Variants in EPS8L1 observed in about 807,000 individuals in gnomAD.
EPS8L1 encodes the protein EPS8 signaling adaptor L1.
A neutral mutation model predicts 91.7 loss-of-function variants in EPS8L1; 101 were observed. The ratio of observed to expected loss-of-function variants is 1.10; its 90% confidence interval spans 0.94 to 1.30. The LOEUF (loss-of-function observed/expected upper bound fraction) is 1.30. EPS8L1 is among the 50% of genes most tolerant of loss of function. The pLI is 0.00. For missense variants in EPS8L1, 1,114 were observed against 1,017.0 expected (o/e 1.10, Z -1.30); for synonymous variants, 506 against 445.3 (o/e 1.14, Z -1.72).
intron 5 of EPS8L1, 53 bp downstream of exon 5, chr19:55,079,904 G>T: frequency 6.5e-7 from 1 of 1,541,296 alleles, no homozygotes; most frequent in South Asian, 1.2e-5. Context: ...ACTTCAGGGG[G>T]TCTGGGTGTG....
Position 55,083,629 on chromosome 19 carries a change from A to C in EPS8L1, c.1370A>C (p.Gln457Pro). The C allele has an allele frequency of 6.3e-7, 1 of 1,594,972 alleles. No homozygotes were observed. Among genetic ancestry groups the C allele is most frequent in the Non-Finnish European group, 8.5e-7 (1 of 1,171,242 alleles). Residue 457 changes from glutamine (Q) to proline (P), a missense_variant, in exon 14 of 20, where the codon CAG (glutamine) becomes CCG (proline). Physicochemically the swap from Gln to Pro is moderately conservative, Grantham distance 76. Transcript: ENST00000201647. The surrounding 1 kb of genome is among the most constrained non-coding windows in gnomAD (Gnocchi z 4.7). Reference sequence around the variant, plus strand: ...TACTTCCTACAGCAAAGCGCCCCCCAGGTCGCTGTCAATGGGTGAGTGTCC... The same window carrying C: ...TACTTCCTACAGCAAAGCGCCCCCCCGGTCGCTGTCAATGGGTGAGTGTCC... The part of the protein sequence containing the change: ...ERRRRQQSAP[Q>P]VAVNGHRDLE...
chr19:55,086,235 G>C, intron 16 of EPS8L1, 43 bp downstream of exon 16: 1 of 1,598,110 alleles, frequency 6.3e-7, no homozygotes, highest in Non-Finnish European at 8.5e-7. Flanking sequence ...TGGAGAGGCT[G>C]GGACCAGATC....
intron 2 of EPS8L1, 72 bp downstream of exon 2, chr19:55,076,533 C>G (rs532689920): frequency 1.9e-6 from 3 of 1,549,608 alleles, no homozygotes; most frequent in Admixed American, 1.7e-5. Flanking sequence ...CACCCACACC[C>G]GCTTGCGGCA....
intron 17 of EPS8L1, 67 bp from the exon 18 acceptor site, chr19:55,086,647 C>CGCCCT (rs2076355536): frequency 2.7e-6 from 4 of 1,480,100 alleles, no homozygotes; most frequent in Non-Finnish European, 3.7e-6. Flanking sequence ...CCCCCCGCCC[C>CGCCCT]GCCCTCTGGC....
chr19:55,079,656 T>A, intron 4 of EPS8L1, 34 bp from the exon 5 acceptor site: 1 of 1,602,034 alleles, frequency 6.2e-7, no homozygotes, highest in Non-Finnish European at 8.5e-7. Flanking sequence ...GGCATCATCT[T>A]GGGCCTCACT....
intron 2 of EPS8L1, 49 bp downstream of exon 2, chr19:55,076,510 C>A (rs1568771355): frequency 1.3e-6 from 2 of 1,596,764 alleles, no homozygotes; most frequent in South Asian, 2.2e-5. Flanking sequence ...CCTCCCGCCT[C>A]CCCTCGCCTC....
chr19:55,084,879 GGTTCAA>G (rs1407232237), intron 14 of EPS8L1, among the ~76,000 whole-genome samples: 1 of 152,182 alleles, frequency 6.6e-6, no homozygotes, highest in Non-Finnish European at 1.5e-5. Context: ...GCTGTGACCA[GGTTCAA>G]GTTCAAGTCC....
Position 55,087,756 on chromosome 19 carries a change from C to G in EPS8L1, c.*142C>G, listed in dbSNP as rs1205196737. 1.2e-6 allele frequency: 1 copy of G among 832,068 alleles called. No homozygotes were observed. Among genetic ancestry groups the G allele is most frequent in the Non-Finnish European group, 2.0e-6 (1 of 510,818 alleles). The allele number at this position is 832,068 out of a possible 1,614,324, so 51.5% of individuals were successfully genotyped here. On this transcript the variant is annotated 3_prime_UTR_variant, in exon 20 of 20. Coordinates refer to ENST00000201647, the MANE Select transcript of EPS8L1 (RefSeq NM_133180.3). The stretch of plus-strand genomic sequence containing the variant: ...GTCTTCCCCCATCCCGGTGGACAGA[C>G]TTAACGATCCTTGCTGCAGTCCCTC...
Position 55,080,737 on chromosome 19 carries a change from C to T in EPS8L1, c.430-35C>T, listed in dbSNP as rs781432316. 5.0e-6 allele frequency: 8 copies of T among 1,599,108 alleles called. No homozygotes were observed. The South Asian group carries it at 7.8e-5, about 16-fold the overall frequency. Reference sequence around the variant, plus strand: ...AGGCCCGGGTAGGAAGTGGGTGCGGCGTGGGGAGGCGTGGCCTGACGGTGT... The same window carrying T: ...AGGCCCGGGTAGGAAGTGGGTGCGGTGTGGGGAGGCGTGGCCTGACGGTGT... On this transcript the variant is annotated intron_variant, in intron 6 of 19. Coordinates refer to ENST00000201647, the MANE Select transcript of EPS8L1 (RefSeq NM_133180.3).
intron 5 of EPS8L1, 78 bp from the exon 6 acceptor site, chr19:55,080,051 G>C: frequency 6.9e-7 from 1 of 1,453,958 alleles, no homozygotes; most frequent in Non-Finnish European, 9.1e-7. Flanking sequence ...GCCCTGACCT[G>C]CTGGCCCACA....
chr19:55,079,135 G>A (rs1315089698), intron 4 of EPS8L1, 78 bp downstream of exon 4: 2 of 1,451,026 alleles, frequency 1.4e-6, no homozygotes, highest in African/African-American at 2.8e-5. Context: ...TTTGAAAGCA[G>A]CTAGGCCCCC....
At chr19:55,076,786 G>C (rs981169637) in intron 2 of EPS8L1, among the ~76,000 whole-genome samples, 2 of 152,344 alleles carry the variant, frequency 1.3e-5, no homozygotes, top group East Asian at 1.9e-4. Flanking sequence ...TGGAGGGATA[G>C]TGCATTACAG....
intron 2 of EPS8L1, among the ~76,000 whole-genome samples, chr19:55,077,381 T>C (rs2076151778): frequency 6.6e-6 from 1 of 152,158 alleles, no homozygotes; most frequent in African/African-American, 2.4e-5. Flanking sequence ...ATACTTCACC[T>C]GCATCATCTG....
In EPS8L1 at chr19:55,083,463, C is replaced by A. The variant is rs1161388826; in HGVS notation, c.1300C>A (p.Arg434Ser). The stretch of plus-strand genomic sequence containing the variant: ...GCCGCCGGTCACTGACCCGCAGAGC[C>A]GCGCCTGGGAGGACCCAGTTGAGAA... ...WEPPVTDPQS[R>S]AWEDPVEKQL... Residue 434 changes from arginine to serine, a missense_variant, in exon 13 of 20, where the codon CGC (arginine) becomes AGC (serine). Physicochemically the swap from Arg to Ser is moderately radical, Grantham distance 110. Coordinates refer to ENST00000201647, the MANE Select transcript of EPS8L1 (RefSeq NM_133180.3). The surrounding 1 kb of genome is among the most constrained non-coding windows in gnomAD (Gnocchi z 4.7). 1 of 1,612,538 alleles carries A rather than the reference C, an allele frequency of 6.2e-7. No homozygotes were observed. Among genetic ancestry groups the A allele is most frequent in the Admixed American group, 1.7e-5 (1 of 59,964 alleles).
In EPS8L1 at chr19:55,081,483, G is replaced by A. The variant is rs2076259678; in HGVS notation, c.765G>A (p.Glu255=). The stretch of plus-strand genomic sequence containing the variant: ...CTGACCTGGCGGTTCTGCAGGCGGA[G>A]CGGGAAGTGGTGAGCCGCTAAGGAA... ...RGPDLAVLQA[E]REVDILNHVF... The change falls in exon 8 of 20, where the codon GAG becomes GAA. Residue 255 remains glutamate (E), a synonymous_variant. Transcript: ENST00000201647. The surrounding 1 kb of genome is among the most constrained non-coding windows in gnomAD (Gnocchi z 4.9). 6.3e-7 allele frequency: 1 copy of A among 1,585,442 alleles called. No homozygotes were observed. Among genetic ancestry groups the A allele is most frequent in the Non-Finnish European group, 8.6e-7 (1 of 1,166,198 alleles).
Position 55,082,092 on chromosome 19 carries a change from A to AG in EPS8L1, c.905dup (p.Leu304AlafsTer87). On this transcript the variant is annotated frameshift_variant and splice_region_variant, in exon 10 of 20. Coordinates refer to ENST00000201647, the MANE Select transcript of EPS8L1 (RefSeq NM_133180.3). LOFTEE classifies it high-confidence loss of function. Reference sequence around the variant, plus strand: ...CGCCGCGCCCGTCTGCTCCCCTCAGAGGGCTTGCTGACGCTGCGGGCCAAG... The same window carrying AG: ...CGCCGCGCCCGTCTGCTCCCCTCAGAGGGGCTTGCTGACGCTGCGGGCCAAG... The AG allele has an allele frequency of 6.3e-7, 1 of 1,586,138 alleles. No individual in the cohort carries two copies. The highest frequency in any genetic ancestry group is 1.3e-5 in the African/African-American group (1 of 74,510).
Position 55,087,190 on chromosome 19 carries a change from G to C in EPS8L1, c.1953-113G>C, listed in dbSNP as rs2076361894. 3 of 1,439,986 alleles carry C rather than the reference G, an allele frequency of 2.1e-6. No individual in the cohort carries two copies. In the African/African-American group the frequency reaches 4.3e-5, roughly 20 times the overall value. 89.2% of individuals were successfully genotyped at this position (1,439,986 alleles called of 1,614,324 possible). Reference sequence around the variant, plus strand: ...TTCAGGAGGTGTCGGGCCTGCCCCCGCTAGAGCTAGAATGCTGTTCTGATT... The same window carrying C: ...TTCAGGAGGTGTCGGGCCTGCCCCCCCTAGAGCTAGAATGCTGTTCTGATT... On this transcript the variant is annotated intron_variant, in intron 18 of 19. Coordinates refer to ENST00000201647, the MANE Select transcript of EPS8L1 (RefSeq NM_133180.3).
chr19:55,080,797 A>T lies in EPS8L1; in HGVS notation c.455A>T (p.Gln152Leu). Residue 152 changes from glutamine (Q) to leucine (L), a missense_variant, in exon 7 of 20, where the codon CAG (glutamine) becomes CTG (leucine). By Grantham distance (113) the Gln-to-Leu change is moderately radical. Transcript: ENST00000201647. ...LGAELIREDI[Q>L]GALHNYRSGR... ...GCGGAGCTGATCCGAGAGGACATCC[A>T]GGGGGCTCTGCACAATTACCGCTCG... 3.1e-6 allele frequency: 5 copies of T among 1,611,566 alleles called. No homozygotes were observed. Among genetic ancestry groups the T allele is most frequent in the Non-Finnish European group, 4.2e-6 (5 of 1,178,974 alleles).
chr19:55,086,329 G>A (rs1172094300), intron 16 of EPS8L1, 63 bp from the exon 17 acceptor site: 3 of 1,606,076 alleles, frequency 1.9e-6, no homozygotes, highest in Admixed American at 1.7e-5. Flanking sequence ...TCTCCAGAAA[G>A]GGGAGAGGCT....
Sources: allele counts gnomAD v4.1 joint callset (sites outside exome capture counted in the v4.1 genomes callset), GRCh38; gene constraint gnomAD v4.1.1; non-coding constraint Gnocchi (gnomAD v3.1); transcripts MANE v1.5; gene names NCBI Gene and HGNC (gene_info 2026-07-23, HGNC 2026-07-21).